The following CACNG2 variants were observed in gnomAD, a reference collection of about 807,000 sequenced individuals.
The protein encoded by CACNG2 is calcium voltage-gated channel auxiliary subunit gamma 2, also known as voltage-dependent calcium channel gamma-2 subunit.
In CACNG2, 3 loss-of-function variants were observed where a neutral mutation model predicts 25.9. The ratio of observed to expected loss-of-function variants is 0.12; its 90% confidence interval spans 0.05 to 0.30. The LOEUF is 0.30. Ranked by LOEUF, CACNG2 falls within the 10% of genes least tolerant of loss-of-function variation. The pLI is 1.00. For missense variants in CACNG2, 341 were observed against 432.5 expected (o/e 0.79, Z 1.88); for synonymous variants, 167 against 173.3 (o/e 0.96, Z 0.29).
At chr22:36,581,862 A>C (rs1231166049) in intron 2 of CACNG2, among the ~76,000 whole-genome samples, 1 of 152,128 alleles carries the variant, frequency 6.6e-6, no homozygotes, top group African/African-American at 2.4e-5. Flanking sequence ...AGCCCGTGAC[A>C]TTGTCCCAGG....
In CACNG2 at chr22:36,616,508, A is replaced by C. The variant is rs187465724; in HGVS notation, c.212-28960T>G. Reference sequence around the variant, plus strand: ...CCCATTCACCTGTCTCCCCAGCGAGAGTGTAAGTTCCTGGAAACTAGAGAG... The same window carrying C: ...CCCATTCACCTGTCTCCCCAGCGAGCGTGTAAGTTCCTGGAAACTAGAGAG... On this transcript the variant is annotated intron_variant, in intron 1 of 3. Coordinates refer to ENST00000300105, the MANE Select transcript of CACNG2 (RefSeq NM_006078.5). Among the ~76,000 whole-genome samples, 549 of 152,174 alleles carry C rather than the reference A, an allele frequency of 3.6e-3. 7 individuals carry two copies. Among genetic ancestry groups the C allele is most frequent in the African/African-American group, 0.013 (520 of 41,496 alleles).
Position 36,654,071 on chromosome 22 carries a change from C to CA in CACNG2, c.211+48294dup, listed in dbSNP as rs1465343996. Among the ~76,000 whole-genome samples the CA allele has an allele frequency of 2.0e-5, 3 of 149,980 alleles. No homozygotes were observed. The South Asian group carries it at 6.3e-4, about 31-fold the overall frequency. On this transcript the variant is annotated intron_variant, in intron 1 of 3. Coordinates refer to ENST00000300105, the MANE Select transcript of CACNG2 (RefSeq NM_006078.5). Reference sequence around the variant, plus strand: ...GAGTTAGAGTTAATTGATTTCAGAACAAAAAAAGGAACACAGCTTTCCTAC... The same window carrying CA: ...GAGTTAGAGTTAATTGATTTCAGAACAAAAAAAAGGAACACAGCTTTCCTAC...
intron 1 of CACNG2, among the ~76,000 whole-genome samples, chr22:36,700,815 G>C (rs906792800): frequency 6.6e-6 from 1 of 152,124 alleles, no homozygotes; most frequent in South Asian, 2.1e-4. Context: ...TAAAGACAGC[G>C]GTTTGGATTG....
intron 2 of CACNG2, among the ~76,000 whole-genome samples, chr22:36,577,564 C>A (rs185653753): frequency 2.7e-5 from 4 of 150,920 alleles, no homozygotes; most frequent in Non-Finnish European, 5.9e-5. Context: ...GCAGGAGACT[C>A]GCTTGAACCG....
intron 1 of CACNG2, among the ~76,000 whole-genome samples, chr22:36,593,467 T>A (rs1935628069): frequency 6.6e-6 from 1 of 152,054 alleles, no homozygotes; most frequent in Non-Finnish European, 1.5e-5. Context: ...GAAATGTCGA[T>A]GAGGCCCAGG....
At chr22:36,634,709 C>T (rs1936328654) in intron 1 of CACNG2, among the ~76,000 whole-genome samples, 1 of 152,184 alleles carries the variant, frequency 6.6e-6, no homozygotes, top group Non-Finnish European at 1.5e-5. Context: ...AATCATTACA[C>T]ATAGATCTTG....
intron 1 of CACNG2, among the ~76,000 whole-genome samples, chr22:36,594,643 G>A (rs1935644841): frequency 6.6e-6 from 1 of 152,182 alleles, no homozygotes; most frequent in African/African-American, 2.4e-5. Flanking sequence ...AAGTGGAGAA[G>A]TCAGCCTGAT....
intron 2 of CACNG2, among the ~76,000 whole-genome samples, chr22:36,580,584 C>T (rs188220201): frequency 2.6e-5 from 4 of 152,194 alleles, no homozygotes; most frequent in East Asian, 1.9e-4. Flanking sequence ...GGAGGGAGTA[C>T]GTCAGAGACA....
chr22:36,689,029 C>A (rs1047406520), intron 1 of CACNG2, among the ~76,000 whole-genome samples: 3 of 152,114 alleles, frequency 2.0e-5, no homozygotes, highest in African/African-American at 7.2e-5. Flanking sequence ...CTACTGTTGG[C>A]GAACTCTTAT....
intron 2 of CACNG2, among the ~76,000 whole-genome samples, chr22:36,570,218 G>C (rs1228279737): frequency 1.3e-5 from 2 of 152,234 alleles, no homozygotes; most frequent in Non-Finnish European, 2.9e-5. Flanking sequence ...ATGCATGCGT[G>C]TGGGCAGCCA....
intron 1 of CACNG2, among the ~76,000 whole-genome samples, chr22:36,592,872 C>G (rs781417257): frequency 6.6e-6 from 1 of 152,122 alleles, no homozygotes; most frequent in Non-Finnish European, 1.5e-5. Flanking sequence ...AGGTCAGGGC[C>G]GGGAATGGGA....
Position 36,690,815 on chromosome 22 carries a change from G to T in CACNG2, c.211+11551C>A, listed in dbSNP as rs116955311. Among the ~76,000 whole-genome samples, 1,084 of 152,186 alleles carry T rather than the reference G, an allele frequency of 7.1e-3. 17 individuals are homozygous for T. Among genetic ancestry groups the T allele is most frequent in the East Asian group, 0.051 (265 of 5,184 alleles). ...ATGGGAAAAATCTGAGATTAAATAG[G>T]CATCCTAATCCCAGATGTCAAGCTT... On this transcript the variant is annotated intron_variant, in intron 1 of 3. Transcript: ENST00000300105.
At chr22:36,650,038 C>A (rs954078003) in intron 1 of CACNG2, among the ~76,000 whole-genome samples, 4 of 152,242 alleles carry the variant, frequency 2.6e-5, no homozygotes, top group Non-Finnish European at 2.9e-5. Flanking sequence ...ACACCACCAC[C>A]AACTCCTGCC....
intron 2 of CACNG2, among the ~76,000 whole-genome samples, chr22:36,570,215 C>T (rs897712009): frequency 2.0e-5 from 3 of 152,128 alleles, no homozygotes; most frequent in South Asian, 4.1e-4. Context: ...GGGATGCATG[C>T]GTGTGGGCAG....
intron 2 of CACNG2, among the ~76,000 whole-genome samples, chr22:36,586,327 C>G (rs1271418982): frequency 6.6e-6 from 1 of 152,190 alleles, no homozygotes; most frequent in African/African-American, 2.4e-5. Context: ...AACCAAATGG[C>G]CTTTTAGGAA....
At position 36,636,951 on chromosome 22, in the gene CACNG2, C is replaced by T. The variant is rs147093484; in HGVS notation, c.212-49403G>A. ...CATTCCCAAGATCCATACTTGATCC[C>T]TCCAGAGGACTTGTGTTATTAAACC... On this transcript the variant is annotated intron_variant, in intron 1 of 3. Coordinates refer to ENST00000300105, the MANE Select transcript of CACNG2 (RefSeq NM_006078.5). 3.2e-4 allele frequency among the ~76,000 whole-genome samples: 49 copies of T among 152,342 alleles called. 1 individual carries two copies. In the East Asian group the frequency reaches 8.3e-3, roughly 26 times the overall value.
At chr22:36,588,986 C>CTT (rs11381245) in intron 1 of CACNG2, among the ~76,000 whole-genome samples, 3,843 of 129,106 alleles carry the variant, frequency 0.03, 106 homozygotes, top group Admixed American at 0.085. Flanking sequence ...TTACATATAC[C>CTT]TTTTTTTTTT....
intron 2 of CACNG2, among the ~76,000 whole-genome samples, chr22:36,577,448 G>A (rs1408639702): frequency 4.0e-5 from 6 of 151,864 alleles, no homozygotes; most frequent in Non-Finnish European, 7.4e-5. Flanking sequence ...TCAAGAGATC[G>A]AGACCATCCT....
rs1419048743 is a variant in CACNG2, at chr22:36,563,418, A to T, written c.*933T>A. 6.6e-6 allele frequency among the ~76,000 whole-genome samples: 1 copy of T among 151,406 alleles called. No homozygotes were observed. Among genetic ancestry groups the T allele is most frequent in the Non-Finnish European group, 1.5e-5 (1 of 67,814 alleles). ...CCAAGGACAGGAGCTTGGGGACATG[A>T]CCCCAAGAGGCTCACCCTGAGGATT... On this transcript the variant is annotated 3_prime_UTR_variant, in exon 4 of 4. Transcript: ENST00000300105.
Sources: allele counts gnomAD v4.1 joint callset (sites outside exome capture counted in the v4.1 genomes callset), GRCh38; gene constraint gnomAD v4.1.1; transcripts MANE v1.5; gene names NCBI Gene and HGNC (gene_info 2026-07-23, HGNC 2026-07-21).